PCDHGA8: variants seen among roughly 807,000 people sequenced by gnomAD.
PCDHGA8 encodes protocadherin gamma-A8.
A neutral mutation model predicts 59.2 loss-of-function variants in PCDHGA8; 45 were observed. The ratio of observed to expected loss-of-function variants is 0.76; its 90% CI spans 0.60 to 0.98. PCDHGA8 has a LOEUF of 0.98. Ranked by LOEUF, PCDHGA8 falls within the 50% of genes least tolerant of loss-of-function variation. The probability of loss-of-function intolerance (pLI) is 0.00; values close to 1 mark genes in which losing one functional copy is unlikely to be tolerated. For synonymous variants in PCDHGA8, 531 were observed against 519.0 expected, an observed-to-expected ratio of 1.02 and a Z score of -0.32; for missense variants, 1,257 against 1,196.2, an observed-to-expected ratio of 1.05 and a Z score of -0.75.
At chr5:141,417,897 C>T (rs2096182334) in intron 1 of PCDHGA8, 1 of 1,578,084 alleles carries the variant, frequency 6.3e-7, no homozygotes, top group African/African-American at 1.4e-5. Context: ...CGGGCCGGCC[C>T]GCGGCAGGTA....
At chr5:141,422,716 G>T (rs1348237465) in intron 1 of PCDHGA8, 1 of 1,604,378 alleles carries the variant, frequency 6.2e-7, no homozygotes, top group African/African-American at 1.3e-5. Context: ...GGATGACACT[G>T]TCCAGGGGGT....
chr5:141,431,505 C>T lies in PCDHGA8; in HGVS notation c.2424+36268C>T. 1.2e-6 allele frequency: 2 copies of T among 1,614,018 alleles called. No individual in the cohort carries two copies. The highest frequency in any genetic ancestry group is 1.7e-6 in the Non-Finnish European group (2 of 1,180,028). On this transcript the variant is annotated intron_variant, in intron 1 of 3. Coordinates refer to ENST00000398604, the MANE Select transcript of PCDHGA8 (RefSeq NM_032088.2). This position sits in a 1 kb window ranked among gnomAD's most constrained non-coding sequence, Gnocchi z 4.8. ...GCGTTTGCTCAGCCCGAGTACCGCG[C>T]GAGCGTTCCGGAGAATCTGGCCTTG...
intron 1 of PCDHGA8, among the ~76,000 whole-genome samples, chr5:141,469,170 G>A (rs2099192781): frequency 6.6e-6 from 1 of 152,042 alleles, no homozygotes; most frequent in South Asian, 2.1e-4. Context: ...CAGCTACTTG[G>A]GAGGCTGAGG....
chr5:141,489,625 A>G lies in PCDHGA8; in HGVS notation c.2425-5182A>G. ...GGTAGAGATCCTGGATCTCAATGAC[A>G]ACTCTCCTAGCTTTGCCACCCCTGA... On this transcript the variant is annotated intron_variant, in intron 1 of 3. Transcript: ENST00000398604. The surrounding 1 kb of genome is among the most constrained non-coding windows in gnomAD (Gnocchi z 4.5). 6.2e-7 allele frequency: 1 copy of G among 1,614,076 alleles called. No homozygotes were observed. The highest frequency in any genetic ancestry group is 8.5e-7 in the Non-Finnish European group (1 of 1,180,006).
intron 2 of PCDHGA8, among the ~76,000 whole-genome samples, chr5:141,496,468 C>T (rs1410143575): frequency 2.0e-5 from 3 of 152,126 alleles, no homozygotes; most frequent in Non-Finnish European, 4.4e-5. Context: ...AGTTATCTTT[C>T]CCCCATCCTG....
At chr5:141,405,002 C>G in intron 1 of PCDHGA8, 2 of 1,613,988 alleles carry the variant, frequency 1.2e-6, no homozygotes, top group Non-Finnish European at 1.7e-6. Context: ...CCCTGCAGAC[C>G]TGGAGGCCTC....
chr5:141,465,858 C>T (rs2099110865), intron 1 of PCDHGA8, among the ~76,000 whole-genome samples: 1 of 152,034 alleles, frequency 6.6e-6, no homozygotes, highest in African/African-American at 2.4e-5. Context: ...CCCAGTGGCT[C>T]ATGCCTGTAA....
chr5:141,399,997 A>G, intron 1 of PCDHGA8: 1 of 1,612,344 alleles, frequency 6.2e-7, no homozygotes, highest in Non-Finnish European at 8.5e-7. Context: ...AGAGGTGCGC[A>G]CAGCGCGTGC....
At chr5:141,429,045 G>C (rs919761577) in intron 1 of PCDHGA8, 15 of 151,954 alleles carry the variant, frequency 9.9e-5, no homozygotes, top group African/African-American at 2.9e-4. Context: ...TAGTACAGAC[G>C]GGGTTTCACC....
At position 141,489,985 on chromosome 5, in the gene PCDHGA8, G is replaced by C. The variant is rs761481986; in HGVS notation, c.2425-4822G>C. ...AACCTTCCAATCCTCAGTTCTACGT[G>C]TGGGAATCCCAGAGAATGCACCCAT... On this transcript the variant is annotated intron_variant, in intron 1 of 3. Coordinates refer to ENST00000398604, the MANE Select transcript of PCDHGA8 (RefSeq NM_032088.2). This position sits in a 1 kb window ranked among gnomAD's most constrained non-coding sequence, Gnocchi z 4.5. 3 of 1,614,212 alleles carry C rather than the reference G, an allele frequency of 1.9e-6. No individual in the cohort carries two copies. The East Asian group carries it at 6.7e-5, about 36-fold the overall frequency.
At chr5:141,418,369 C>G (rs763319499) in intron 1 of PCDHGA8, 62 of 1,613,842 alleles carry the variant, frequency 3.8e-5, no homozygotes, top group Non-Finnish European at 4.8e-5. Context: ...TGAGCAAATA[C>G]CAACTAAGTC....
chr5:141,490,454 C>T lies in PCDHGA8; in HGVS notation c.2425-4353C>T. The T allele has an allele frequency of 3.1e-6, 5 of 1,614,176 alleles. No homozygotes were observed. The highest frequency in any genetic ancestry group is 4.2e-6 in the Non-Finnish European group (5 of 1,180,020). On this transcript the variant is annotated intron_variant, in intron 1 of 3. Transcript: ENST00000398604. The surrounding 1 kb of genome is among the most constrained non-coding windows in gnomAD (Gnocchi z 5.4). The stretch of plus-strand genomic sequence containing the variant: ...ATTAAGCCTTCTGAGAACCACTACT[C>T]GCTGCTAACCAGCCAGCCTTTGGAC...
At position 141,394,371 on chromosome 5, in the gene PCDHGA8, T is replaced by G; in HGVS notation, c.1558T>G (p.Phe520Val). 6.2e-7 allele frequency: 1 copy of G among 1,614,174 alleles called. No homozygotes were observed. Among genetic ancestry groups the G allele is most frequent in the Non-Finnish European group, 8.5e-7 (1 of 1,180,026 alleles). Reference sequence around the variant, plus strand: ...CGGTGTCCTGTATGCGCTGCAATCTTTCGACTATGAGCAGATCCGAGACCT... The same window carrying G: ...CGGTGTCCTGTATGCGCTGCAATCTGTCGACTATGAGCAGATCCGAGACCT... Reference protein sequence around the residue: ...DTGVLYALQSFDYEQIRDLQL... With the variant: ...DTGVLYALQSVDYEQIRDLQL... The change falls in exon 1 of 4, where the codon TTC becomes GTC. Residue 520 changes from phenylalanine to valine, a missense_variant. By Grantham distance (50) the Phe-to-Val change is conservative. Transcript: ENST00000398604.
At chr5:141,430,661 G>A in intron 1 of PCDHGA8, 1 of 1,159,744 alleles carries the variant, frequency 8.6e-7, no homozygotes, top group South Asian at 2.1e-5. Context: ...CAACGGAGGA[G>A]CTCTGACTTC....
chr5:141,427,193 C>T (rs1427995075), intron 1 of PCDHGA8: 1 of 456,496 alleles, frequency 2.2e-6, no homozygotes, highest in Admixed American at 2.4e-5. Context: ...AATCCAAAGA[C>T]TTAATAGACT....
chr5:141,455,244 T>C (rs977940552), intron 1 of PCDHGA8, among the ~76,000 whole-genome samples: 1 of 152,142 alleles, frequency 6.6e-6, no homozygotes, highest in Admixed American at 6.5e-5. Flanking sequence ...TTAAAGGTCA[T>C]AGTACAATCG....
chr5:141,403,671 C>T (rs1322750068), intron 1 of PCDHGA8: 3 of 1,613,786 alleles, frequency 1.9e-6, no homozygotes, highest in African/African-American at 1.3e-5. Flanking sequence ...GATAATGCCC[C>T]GGTTTTTGCT....
chr5:141,413,043 C>A, intron 1 of PCDHGA8: 1 of 864,340 alleles, frequency 1.2e-6, no homozygotes, highest in Non-Finnish European at 1.7e-6. Flanking sequence ...TGCTGGGCTG[C>A]AGGGAAGCTC....
intron 1 of PCDHGA8, chr5:141,405,448 C>A: frequency 5.3e-6 from 7 of 1,314,660 alleles, no homozygotes; most frequent in South Asian, 1.3e-5. Context: ...GAGACAGAGT[C>A]TTACTCTGTT....
Sources: gnomAD v4.1 joint callset for allele counts (sites outside exome capture counted in the v4.1 genomes callset) on GRCh38, gnomAD v4.1.1 for gene constraint, Gnocchi (gnomAD v3.1) non-coding constraint, MANE v1.5 for transcripts, NCBI Gene and HGNC (gene_info 2026-07-23, HGNC 2026-07-21) for gene names.